The following SPEN variants were observed in gnomAD, a reference collection of about 807,000 sequenced individuals.
SPEN encodes spen family transcriptional repressor.
A neutral mutation model predicts 269.9 loss-of-function variants in SPEN; 18 were observed. That is an observed-to-expected ratio of 0.07 (90% CI 0.05 to 0.10). The LOEUF (loss-of-function observed/expected upper bound fraction) is 0.10, where lower values mean the gene tolerates loss of function less well. SPEN is among the 10% of genes least tolerant of loss of function. SPEN has a pLI of 1.00. For synonymous variants in SPEN, 1,726 were observed against 1,765.7 expected (o/e 0.98, Z 0.56); for missense variants, 3,822 against 4,631.2 (o/e 0.83, Z 5.07).
Position 15,933,258 on chromosome 1 carries a change from C to A in SPEN, c.7018C>A (p.Arg2340Ser). 6.2e-7 allele frequency: 1 copy of A among 1,614,102 alleles called. No individual in the cohort carries two copies. Reference sequence around the variant, plus strand: ...GCGCCAGAAAACAACCCGATCACGCCGCAAGCGAAACACAAACAAGAAAGT... The same window carrying A: ...GCGCCAGAAAACAACCCGATCACGCAGCAAGCGAAACACAAACAAGAAAGT... ...KGRQKTTRSR[R>S]KRNTNKKVVA... is the part of the protein sequence containing the mutation. The change falls in exon 11 of 15, where the codon CGC becomes AGC. Residue 2340 changes from arginine to serine, a missense_variant. Around this residue, in one of 16 missense-constraint regions of SPEN, gnomAD observed 727 missense variants for 737.9 expected, o/e 0.99. Coordinates refer to ENST00000375759, the MANE Select transcript of SPEN (RefSeq NM_015001.3). This position sits in a 1 kb window ranked among gnomAD's most constrained non-coding sequence, Gnocchi z 5.7.
At chr1:15,889,934 C>T (rs1300975002) in intron 3 of SPEN, among the ~76,000 whole-genome samples, 4 of 152,072 alleles carry the variant, frequency 2.6e-5, no homozygotes, top group African/African-American at 2.4e-5. Context: ...AGGCTGGTCT[C>T]GAACTCCCAA....
At chr1:15,892,640 TA>T in intron 3 of SPEN, among the ~76,000 whole-genome samples, 1 of 152,166 alleles carries the variant, frequency 6.6e-6, no homozygotes, top group South Asian at 2.1e-4. Context: ...TTGGTCAGGC[TA>T]AAATGCCTGT....
intron 5 of SPEN, among the ~76,000 whole-genome samples, chr1:15,911,583 C>T (rs1166212225): frequency 6.6e-6 from 1 of 152,124 alleles, no homozygotes; most frequent in African/African-American, 2.4e-5. Context: ...TTATTGAGTC[C>T]AGCCTTCCCA....
rs202070337 is a variant in SPEN, at chr1:15,934,626, C to G, written c.8386C>G (p.Arg2796Gly). Residue 2796 changes from arginine (R) to glycine (G), a missense_variant, in exon 11 of 15, where the codon CGT (arginine) becomes GGT (glycine). Coordinates refer to ENST00000375759, the MANE Select transcript of SPEN (RefSeq NM_015001.3). This position sits in a 1 kb window ranked among gnomAD's most constrained non-coding sequence, Gnocchi z 9.2. ...AGGGTCCATGCCTGTGATCGACGAT[C>G]GTCCGGCAGACGCGGGCTCAGGGGC... Reference protein sequence around the residue: ...HPGSMPVIDDRPADAGSGAGL... With the variant: ...HPGSMPVIDDGPADAGSGAGL... 91 of 1,613,854 alleles carry G rather than the reference C, an allele frequency of 5.6e-5. 1 individual carries two copies. In the East Asian group the frequency reaches 1.9e-3, roughly 34 times the overall value.
intron 9 of SPEN, among the ~76,000 whole-genome samples, chr1:15,921,628 C>T (rs1383988853): frequency 6.6e-6 from 1 of 152,174 alleles, no homozygotes; most frequent in African/African-American, 2.4e-5. Context: ...TAGTATCAGT[C>T]CAGCATCCTG....
chr1:15,926,274 G>A (rs1038339527), intron 10 of SPEN, among the ~76,000 whole-genome samples: 2 of 151,950 alleles, frequency 1.3e-5, no homozygotes, highest in African/African-American at 4.8e-5. Flanking sequence ...GCGCATGCCT[G>A]TATTCCCAGC....
chr1:15,931,270 C>T lies in SPEN; in HGVS notation c.5030C>T (p.Ala1677Val). The T allele has an allele frequency of 2.5e-6, 4 of 1,614,190 alleles. No homozygotes were observed. The highest frequency in any genetic ancestry group is 3.4e-6 in the Non-Finnish European group (4 of 1,180,040). ...LVTEEKTVEP[A>V]TVSEEAKPAS... ...ACAGAAGAGAAGACTGTGGAGCCAG[C>T]TACCGTCTCAGAAGAAGCAAAGCCT... is the stretch of plus-strand genomic sequence containing the variant. Residue 1677 changes from alanine to valine, a missense_variant, in exon 11 of 15, where the codon GCT becomes GTT. Around this residue, in one of 16 missense-constraint regions of SPEN, gnomAD observed 533 missense variants for 618.8 expected, o/e 0.86. Transcript: ENST00000375759. This position sits in a 1 kb window ranked among gnomAD's most constrained non-coding sequence, Gnocchi z 4.8.
intron 3 of SPEN, among the ~76,000 whole-genome samples, chr1:15,887,670 A>T (rs1007320342): frequency 1.8e-4 from 27 of 151,438 alleles, no homozygotes; most frequent in African/African-American, 6.5e-4. Context: ...GCTTCTCTGG[A>T]AGTTGATGTG....
chr1:15,938,627 G>A, intron 13 of SPEN, 91 bp from the exon 14 acceptor site: 1 of 1,203,898 alleles, frequency 8.3e-7, no homozygotes, highest in Non-Finnish European at 1.1e-6. Flanking sequence ...CTCAGAGGTG[G>A]GGGTTTTTGT....
chr1:15,863,766 G>C (rs7514600), intron 1 of SPEN, among the ~76,000 whole-genome samples: 48,914 of 151,912 alleles, frequency 0.32, 9,881 homozygotes, highest in East Asian at 0.69. Flanking sequence ...GCTTGAGCCT[G>C]GGAGGTTGAG....
intron 10 of SPEN, 105 bp from the exon 11 acceptor site, chr1:15,927,986 G>C: frequency 8.3e-6 from 9 of 1,082,614 alleles, no homozygotes; most frequent in Non-Finnish European, 1.2e-5. Flanking sequence ...ATTAAATAAT[G>C]TCAAAAGATT....
chr1:15,908,887 A>G (rs2070986341), intron 3 of SPEN, among the ~76,000 whole-genome samples: 1 of 152,204 alleles, frequency 6.6e-6, no homozygotes, highest in Non-Finnish European at 1.5e-5. Context: ...TAGGCATAAA[A>G]TTATGATAGG....
At chr1:15,861,651 T>TG (rs978048860) in intron 1 of SPEN, among the ~76,000 whole-genome samples, 3 of 151,950 alleles carry the variant, frequency 2.0e-5, no homozygotes, top group African/African-American at 7.3e-5. Flanking sequence ...CTTTTTTTTG[T>TG]GGGGGGAGTA....
intron 1 of SPEN, among the ~76,000 whole-genome samples, chr1:15,853,036 A>T (rs1188758428): frequency 6.6e-6 from 1 of 152,012 alleles, no homozygotes; most frequent in African/African-American, 2.4e-5. Flanking sequence ...TTTTATAGGG[A>T]TGGAAGGTCT....
chr1:15,930,533 T>G lies in SPEN; in HGVS notation c.4293T>G (p.Phe1431Leu). The G allele has an allele frequency of 1.2e-6, 2 of 1,614,152 alleles. No individual in the cohort carries two copies. The highest frequency in any genetic ancestry group is 1.7e-6 in the Non-Finnish European group (2 of 1,180,030). Reference protein sequence around the residue: ...RLSSSLERNKFYSFALDKTIT... With the variant: ...RLSSSLERNKLYSFALDKTIT... ...CTAGTTCTTTAGAAAGGAACAAATT[T>G]TACTCTTTTGCATTGGATAAGACAA... The change falls in exon 11 of 15, where the codon TTT becomes TTG. Residue 1431 changes from phenylalanine (F) to leucine (L), a missense_variant. This residue lies in a region of SPEN where 267 missense variants were observed against 315.5 expected (regional missense o/e 0.85). Coordinates refer to ENST00000375759, the MANE Select transcript of SPEN (RefSeq NM_015001.3). The surrounding 1 kb of genome is among the most constrained non-coding windows in gnomAD (Gnocchi z 5.3).
intron 1 of SPEN, among the ~76,000 whole-genome samples, chr1:15,865,685 C>T (rs1405167420): frequency 7.1e-6 from 1 of 141,732 alleles, no homozygotes; most frequent in African/African-American, 2.6e-5. Context: ...TTTGTCCTCC[C>T]AAAGTGCTGG....
chr1:15,926,384 TACAC>T lies in SPEN; in HGVS notation c.1851-1681_1851-1678del, dbSNP rs34826146. The stretch of plus-strand genomic sequence containing the variant: ...CTGCACTCCAGCTCAGATATATACA[TACAC>T]ACACACACACACACACACACACACA... On this transcript the variant is annotated intron_variant, in intron 10 of 14. Coordinates refer to ENST00000375759, the MANE Select transcript of SPEN (RefSeq NM_015001.3). Among the ~76,000 whole-genome samples, 744 of 145,856 alleles carry T rather than the reference TACAC, an allele frequency of 5.1e-3. 8 individuals carry two copies. The highest frequency in any genetic ancestry group is 0.016 in the African/African-American group (641 of 39,436).
intron 3 of SPEN, among the ~76,000 whole-genome samples, chr1:15,889,961 C>A (rs1439808287): frequency 6.6e-6 from 1 of 152,052 alleles, no homozygotes; most frequent in Non-Finnish European, 1.5e-5. Context: ...GTGATCCACC[C>A]GCCTCGGCCT....
At chr1:15,851,888 C>T (rs1197212116) in intron 1 of SPEN, among the ~76,000 whole-genome samples, 1 of 152,018 alleles carries the variant, frequency 6.6e-6, no homozygotes, top group Non-Finnish European at 1.5e-5. Context: ...GAGGCTGAGG[C>T]AGGGGAATTG....
Sources: gnomAD v4.1 joint callset for allele counts (sites outside exome capture counted in the v4.1 genomes callset) on GRCh38, gnomAD v4.1.1 for gene constraint, gnomAD v4.1.1 regional missense constraint, Gnocchi (gnomAD v3.1) non-coding constraint, MANE v1.5 for transcripts, NCBI Gene and HGNC (gene_info 2026-07-23, HGNC 2026-07-21) for gene names.